TXNDC8: variants seen among roughly 807,000 people sequenced by gnomAD.
TXNDC8 encodes the protein thioredoxin domain-containing protein 8.
In TXNDC8, 15 loss-of-function variants were observed where a neutral mutation model predicts 12.9. The observed-to-expected ratio is 1.16, with a 90% CI of 0.78 to 1.79. The LOEUF (loss-of-function observed/expected upper bound fraction) is 1.79. Among genes scored for constraint, TXNDC8 ranks in the 40% most tolerant of loss-of-function variants. The pLI, the probability that TXNDC8 is intolerant of heterozygous loss-of-function variation, is 0.00. For missense variants in TXNDC8, 128 were observed against 113.2 expected (o/e 1.13, Z -0.59); for synonymous variants, 40 against 35.4 (o/e 1.13, Z -0.46).
At chr9:110,303,051 A>G (rs201258360), downstream of TXNDC8, among the ~76,000 whole-genome samples, 72 of 150,894 alleles carry the variant, frequency 4.8e-4, no homozygotes, top group East Asian at 9.8e-3. Flanking sequence ...GCAACAGAGC[A>G]AGACTGTCTC....
At chr9:110,304,879 G>C (rs955252153) in intron 3 of TXNDC8, among the ~76,000 whole-genome samples, 1 of 152,110 alleles carries the variant, frequency 6.6e-6, no homozygotes, top group Non-Finnish European at 1.5e-5. Context: ...CGGGTGCAGT[G>C]GCTCATGCCT....
Position 110,323,943 on chromosome 9 carries a change from A to G in TXNDC8, c.195+2232T>C, listed in dbSNP as rs1465973200. ...ACTTGGATTGGCTTGACTGGAGTCA[A>G]GGGTCCATTTCTGATGGGGATGGAG... On this transcript the variant is annotated intron_variant, in intron 3 of 4. Coordinates refer to ENST00000423740, the MANE Select transcript of TXNDC8 (RefSeq NM_001286946.2). The G allele has an allele frequency of 2.6e-6, 4 of 1,550,850 alleles. No homozygotes were observed. The East Asian group carries it at 7.3e-5, about 28-fold the overall frequency.
chr9:110,318,356 C>G (rs1375047283), intron 3 of TXNDC8, among the ~76,000 whole-genome samples: 1 of 152,096 alleles, frequency 6.6e-6, no homozygotes, highest in East Asian at 1.9e-4. Context: ...CTTGTAAGTC[C>G]TTCTGGTGAA....
At chr9:110,311,677 C>A (rs1196722065) in intron 3 of TXNDC8, among the ~76,000 whole-genome samples, 15 of 89,162 alleles carry the variant, frequency 1.7e-4, no homozygotes, top group South Asian at 3.2e-4. Context: ...ATAGTATATC[C>A]TTATATATAT....
chr9:110,322,217 T>A (rs1839129597), intron 3 of TXNDC8, among the ~76,000 whole-genome samples: 1 of 152,000 alleles, frequency 6.6e-6, no homozygotes, highest in Non-Finnish European at 1.5e-5. Context: ...ACCAGGATGC[T>A]AAGTTACTAA....
chr9:110,304,591 C>T lies in TXNDC8; in HGVS notation c.196-59G>A, dbSNP rs1838356982. The T allele has an allele frequency of 3.4e-6, 5 of 1,459,472 alleles. No homozygotes were observed. The South Asian group carries it at 6.5e-5, about 19-fold the overall frequency. 90.4% of individuals were successfully genotyped at this position (1,459,472 alleles called of 1,614,324 possible). A position where few individuals can be genotyped will look rare whatever the true frequency, so the allele number is the denominator to read the frequency against. ...GAGTTGCCTGGTTTGTAACCATCTC[C>T]CCTATAACTGGTTCTTTTGGCCTTG... On this transcript the variant is annotated intron_variant, in intron 3 of 4. Coordinates refer to ENST00000423740, the MANE Select transcript of TXNDC8 (RefSeq NM_001286946.2).
intron 3 of TXNDC8, among the ~76,000 whole-genome samples, chr9:110,309,273 G>A (rs534863353): frequency 6.6e-5 from 10 of 152,174 alleles, no homozygotes; most frequent in Non-Finnish European, 4.4e-5. Context: ...AGTATCTGGG[G>A]GATTGACCCC....
intron 3 of TXNDC8, among the ~76,000 whole-genome samples, chr9:110,325,430 CT>C (rs1361740918): frequency 6.6e-6 from 1 of 151,008 alleles, no homozygotes; most frequent in African/African-American, 2.5e-5. Context: ...AATCCCGAGC[CT>C]GCGTGCTCAA....
chr9:110,307,401 G>A (rs561515808), intron 3 of TXNDC8, among the ~76,000 whole-genome samples: 25 of 152,152 alleles, frequency 1.6e-4, no homozygotes, highest in Admixed American at 3.9e-4. Flanking sequence ...TGTTACATTC[G>A]TGTCTTCCTA....
chr9:110,318,502 C>T (rs182128772), intron 3 of TXNDC8, among the ~76,000 whole-genome samples: 30 of 152,158 alleles, frequency 2.0e-4, no homozygotes, highest in African/African-American at 6.5e-4. Flanking sequence ...TTTGGGAGGC[C>T]GAGGCAGGTG....
At chr9:110,309,200 A>G (rs905691141) in intron 3 of TXNDC8, among the ~76,000 whole-genome samples, 2 of 152,138 alleles carry the variant, frequency 1.3e-5, no homozygotes, top group African/African-American at 4.8e-5. Flanking sequence ...CTTAGCTCGG[A>G]AGAGAAACAA....
chr9:110,313,684 G>A (rs1171852242), intron 3 of TXNDC8, among the ~76,000 whole-genome samples: 1 of 152,170 alleles, frequency 6.6e-6, no homozygotes, highest in Non-Finnish European at 1.5e-5. Flanking sequence ...TGGTTGATAA[G>A]AGCAAAACTC....
chr9:110,334,453 AG>A lies in TXNDC8; in HGVS notation c.25-134del, dbSNP rs1328801208. ...AAGCCAGGTTATCACTATGCTGCCC[AG>A]GCTGGTCTCAAACTCCTGGGCTCAA... On this transcript the variant is annotated intron_variant, in intron 1 of 4. Coordinates refer to ENST00000423740, the MANE Select transcript of TXNDC8 (RefSeq NM_001286946.2). The A allele has an allele frequency of 4.4e-6, 3 of 681,496 alleles. No individual in the cohort carries two copies. In the East Asian group the frequency reaches 9.3e-5, roughly 21 times the overall value. The allele number at this position is 681,496 out of a possible 1,614,324, so 42.2% of individuals were successfully genotyped here. A position where few individuals can be genotyped will look rare whatever the true frequency, so the allele number is the denominator to read the frequency against.
chr9:110,334,071 A>G, intron 2 of TXNDC8, 145 bp downstream of exon 2: 1 of 585,924 alleles, frequency 1.7e-6, no homozygotes, highest in Non-Finnish European at 3.0e-6. Flanking sequence ...ATCTCGGTAT[A>G]TTATCTTCAG....
intron 3 of TXNDC8, among the ~76,000 whole-genome samples, chr9:110,316,320 C>T (rs1174480938): frequency 6.6e-6 from 1 of 152,042 alleles, no homozygotes; most frequent in East Asian, 1.9e-4. Context: ...AAGAATATGT[C>T]TAATAAAAAT....
At chr9:110,311,322 G>T (rs1400868120) in intron 3 of TXNDC8, among the ~76,000 whole-genome samples, 1 of 151,308 alleles carries the variant, frequency 6.6e-6, no homozygotes, top group Non-Finnish European at 1.5e-5. Context: ...TAAATTAATA[G>T]ATATTTCATT....
At chr9:110,308,270 G>A (rs1838534416) in intron 3 of TXNDC8, among the ~76,000 whole-genome samples, 1 of 152,204 alleles carries the variant, frequency 6.6e-6, no homozygotes, top group Non-Finnish European at 1.5e-5. Flanking sequence ...CTTTCATGAT[G>A]ATGGAAGGCA....
intron 3 of TXNDC8, among the ~76,000 whole-genome samples, chr9:110,308,183 G>T (rs1368184911): frequency 1.3e-5 from 2 of 152,210 alleles, no homozygotes; most frequent in Non-Finnish European, 2.9e-5. Flanking sequence ...ATTTGGTCAA[G>T]ATCTAGTTTA....
chr9:110,320,604 G>T (rs1050742550), intron 3 of TXNDC8, among the ~76,000 whole-genome samples: 11 of 152,204 alleles, frequency 7.2e-5, no homozygotes, highest in African/African-American at 2.7e-4. Context: ...GCTTCAGACG[G>T]TCACTGAATA....
Sources: gnomAD v4.1 joint callset for allele counts (sites outside exome capture counted in the v4.1 genomes callset) on GRCh38, gnomAD v4.1.1 for gene constraint, MANE v1.5 for transcripts, NCBI Gene and HGNC (gene_info 2026-07-23, HGNC 2026-07-21) for gene names.